Variants in PPARGC1A observed in about 807,000 individuals in gnomAD.
PPARGC1A encodes peroxisome proliferator-activated receptor gamma coactivator 1-alpha.
PPARGC1A carries 25 observed loss-of-function variants against 88.7 expected under a neutral mutation model. The ratio of observed to expected loss-of-function variants is 0.28; its 90% CI spans 0.21 to 0.39. PPARGC1A has a LOEUF of 0.39. PPARGC1A is among the 10% of genes least tolerant of loss of function. The pLI, the probability that PPARGC1A is intolerant of heterozygous loss-of-function variation, is 1.00. For missense variants in PPARGC1A, 880 were observed against 968.7 expected, an observed-to-expected ratio of 0.91 and a Z score of 1.22; for synonymous variants, 363 against 355.6, an observed-to-expected ratio of 1.02 and a Z score of -0.24.
chr4:23,874,534 T>C (rs973444906), intron 2 of PPARGC1A, among the ~76,000 whole-genome samples: 2 of 151,086 alleles, frequency 1.3e-5, no homozygotes, highest in Admixed American at 6.6e-5. Context: ...CACCCTTCTA[T>C]GGCAAAGATC....
chr4:24,227,425 G>A, the PPARGC1A span, among the ~76,000 whole-genome samples: 1 of 151,944 alleles, frequency 6.6e-6, no homozygotes, highest in African/African-American at 2.4e-5. Context: ...ATGTCTTAGG[G>A]GACTCATTTG....
the PPARGC1A span, among the ~76,000 whole-genome samples, chr4:24,162,848 C>G: frequency 6.6e-6 from 1 of 151,940 alleles, no homozygotes; most frequent in Non-Finnish European, 1.5e-5. Flanking sequence ...CCCAACTCGG[C>G]CTCCCAAAGT....
At chr4:23,804,119 ACTGT>A (rs1719305751) in intron 10 of PPARGC1A, among the ~76,000 whole-genome samples, 1 of 152,142 alleles carries the variant, frequency 6.6e-6, no homozygotes, top group African/African-American at 2.4e-5. Context: ...CAAATAATCA[ACTGT>A]CTACTTGACA....
At chr4:24,314,094 C>T in the PPARGC1A span, among the ~76,000 whole-genome samples, 3 of 152,148 alleles carry the variant, frequency 2.0e-5, no homozygotes, top group African/African-American at 7.2e-5. Flanking sequence ...TTCAAAGATT[C>T]ATACATATGT....
At chr4:23,869,629 T>C (rs1219051921) in intron 2 of PPARGC1A, among the ~76,000 whole-genome samples, 1 of 147,522 alleles carries the variant, frequency 6.8e-6, no homozygotes, top group African/African-American at 2.5e-5. Context: ...GCTCTAAGGT[T>C]GTTCATTTAT....
chr4:24,455,105 T>C, the PPARGC1A span, among the ~76,000 whole-genome samples: 1 of 151,524 alleles, frequency 6.6e-6, no homozygotes, highest in Non-Finnish European at 1.5e-5. Flanking sequence ...CTGATAAGAG[T>C]CCCAAACATT....
the PPARGC1A span, among the ~76,000 whole-genome samples, chr4:24,296,883 G>A: frequency 1.3e-5 from 2 of 152,082 alleles, no homozygotes; most frequent in African/African-American, 4.8e-5. Context: ...CTGTCTTACT[G>A]CCAAGTATAT....
chr4:24,029,843 G>A, the PPARGC1A span, among the ~76,000 whole-genome samples: 6 of 152,112 alleles, frequency 3.9e-5, no homozygotes, highest in African/African-American at 9.7e-5. Context: ...CATCTCAGTG[G>A]ACAACACCAT....
chr4:23,884,582 T>C (rs1289624553), intron 2 of PPARGC1A, 170 bp downstream of exon 2: 1 of 529,672 alleles, frequency 1.9e-6, no homozygotes, highest in African/African-American at 1.9e-5. Flanking sequence ...AAACAAAACA[T>C]TTGTTTTCCA....
the PPARGC1A span, among the ~76,000 whole-genome samples, chr4:24,448,233 G>A: frequency 6.6e-6 from 1 of 152,146 alleles, no homozygotes; most frequent in Non-Finnish European, 1.5e-5. Flanking sequence ...AACGTTTGAG[G>A]AGCCCACGTC....
chr4:24,243,109 G>C, the PPARGC1A span, among the ~76,000 whole-genome samples: 3 of 152,054 alleles, frequency 2.0e-5, no homozygotes, highest in Non-Finnish European at 4.4e-5. Flanking sequence ...TTGCTCCATT[G>C]TATCCCTAGC....
the PPARGC1A span, among the ~76,000 whole-genome samples, chr4:24,267,932 C>T: frequency 2.6e-5 from 4 of 152,156 alleles, no homozygotes; most frequent in African/African-American, 7.2e-5. Context: ...CTACAAACAA[C>T]AGTGATATTT....
chr4:24,205,519 C>T, the PPARGC1A span, among the ~76,000 whole-genome samples: 151 of 152,186 alleles, frequency 9.9e-4, no homozygotes, highest in African/African-American at 3.6e-3. Context: ...CTATAATATA[C>T]ATATATTTAG....
Position 23,806,227 on chromosome 4 carries a change from G to C in PPARGC1A, c.2020-3882C>G, listed in dbSNP as rs534472314. ...GCTTATTTGAGAAAATTATTGAAGTGCTTGATTTTCCTACTGCTAAAAATG... is the reference window on the plus strand; with the variant it reads ...GCTTATTTGAGAAAATTATTGAAGTCCTTGATTTTCCTACTGCTAAAAATG... On this transcript the variant is annotated intron_variant, in intron 10 of 12. Coordinates refer to ENST00000264867, the MANE Select transcript of PPARGC1A (RefSeq NM_013261.5). 5.9e-5 allele frequency among the ~76,000 whole-genome samples: 9 copies of C among 152,232 alleles called. No individual in the cohort carries two copies. In the South Asian group the frequency reaches 6.2e-4, roughly 11 times the overall value.
In PPARGC1A at chr4:23,793,897, TTTA is replaced by T. The variant is rs757036133; in HGVS notation, c.*1922_*1924del. 5.9e-5 allele frequency: 9 copies of T among 152,540 alleles called. No homozygotes were observed. The highest frequency in any genetic ancestry group is 1.3e-4 in the Non-Finnish European group (9 of 68,024). 9.4% of individuals were successfully genotyped at this position (152,540 alleles called of 1,614,324 possible). On this transcript the variant is annotated 3_prime_UTR_variant, in exon 13 of 13. Coordinates refer to ENST00000264867, the MANE Select transcript of PPARGC1A (RefSeq NM_013261.5). ...TCCTAGGTAGAAAATTTCCACTGGC[TTTA>T]TTATTTTCATCATCTCATAATTTAT...
At chr4:24,447,280 GA>G in the PPARGC1A span, among the ~76,000 whole-genome samples, 1 of 152,182 alleles carries the variant, frequency 6.6e-6, no homozygotes, top group African/African-American at 2.4e-5. Flanking sequence ...GTACACAAGG[GA>G]CCATCATCAC....
At chr4:23,894,854 G>T (rs926121714), upstream of PPARGC1A, among the ~76,000 whole-genome samples, 9 of 152,140 alleles carry the variant, frequency 5.9e-5, no homozygotes, top group Admixed American at 5.9e-4. Flanking sequence ...TGTTCAACTC[G>T]GTTGTATTTG....
At chr4:24,251,913 C>G in the PPARGC1A span, among the ~76,000 whole-genome samples, 1 of 150,856 alleles carries the variant, frequency 6.6e-6, no homozygotes, top group Non-Finnish European at 1.5e-5. Context: ...TTAGTAAACC[C>G]ACACTGTAAT....
the PPARGC1A span, among the ~76,000 whole-genome samples, chr4:24,218,352 GAAAA>G: frequency 1.3e-5 from 2 of 152,146 alleles, no homozygotes; most frequent in African/African-American, 4.8e-5. Context: ...ATAGCTGCAG[GAAAA>G]AAGAGATTCC....
Sources: allele counts gnomAD v4.1 joint callset (sites outside exome capture counted in the v4.1 genomes callset), GRCh38; gene constraint gnomAD v4.1.1; transcripts MANE v1.5; gene names NCBI Gene and HGNC (gene_info 2026-07-23, HGNC 2026-07-21).